ADAMTS9: variants seen among roughly 807,000 people sequenced by gnomAD.
The protein encoded by ADAMTS9 is A disintegrin and metalloproteinase with thrombospondin motifs 9.
ADAMTS9 carries 107 observed loss-of-function variants against 257.1 expected under a neutral mutation model. The observed-to-expected ratio is 0.42, with a 90% CI of 0.36 to 0.49. The LOEUF is 0.49. Among genes scored for constraint, ADAMTS9 ranks in the 20% least tolerant of loss-of-function variants. The pLI, the probability that ADAMTS9 is intolerant of heterozygous loss-of-function variation, is 0.03. For missense variants in ADAMTS9, 2,353 were observed against 2,469.1 expected (o/e 0.95, Z 1.00); for synonymous variants, 982 against 880.9 (o/e 1.11, Z -2.03).
At chr3:64,635,767 T>C (rs567054545) in intron 12 of ADAMTS9, among the ~76,000 whole-genome samples, 8 of 152,282 alleles carry the variant, frequency 5.3e-5, no homozygotes, top group Non-Finnish European at 1.2e-4. Context: ...TTTTTTTTCT[T>C]TTCTTTTTTG....
At chr3:64,641,804 T>C (rs1460624199) in intron 12 of ADAMTS9, 44 bp downstream of exon 12, 8 of 1,605,522 alleles carry the variant, frequency 5.0e-6, no homozygotes, top group Non-Finnish European at 6.0e-6. Flanking sequence ...GAATTTCATG[T>C]TCCTGCCACG....
At chr3:64,623,040 TTTTG>T (rs1441511235) in intron 16 of ADAMTS9, among the ~76,000 whole-genome samples, 9 of 152,218 alleles carry the variant, frequency 5.9e-5, no homozygotes, top group Non-Finnish European at 1.2e-4. Context: ...GTTAAGTCTT[TTTTG>T]TTTGACAGAT....
At chr3:64,581,372 T>C (rs11928470) in intron 28 of ADAMTS9, among the ~76,000 whole-genome samples, 18,510 of 152,148 alleles carry the variant, frequency 0.12, 1,476 homozygotes, top group East Asian at 0.24. Flanking sequence ...TTTAATTTCA[T>C]TTAAAATTTT....
intron 23 of ADAMTS9, 55 bp from the exon 24 acceptor site, chr3:64,604,386 A>C (rs2084522373): frequency 7.9e-7 from 1 of 1,269,932 alleles, no homozygotes; most frequent in Non-Finnish European, 1.1e-6. Flanking sequence ...ATGCACTTTC[A>C]AGGTAATGGT....
intron 38 of ADAMTS9, among the ~76,000 whole-genome samples, chr3:64,523,356 G>A (rs546916382): frequency 6.6e-6 from 1 of 152,138 alleles, no homozygotes; most frequent in Non-Finnish European, 1.5e-5. Context: ...CCAGTCTGAA[G>A]TGACTAAAGA....
At chr3:64,630,902 C>A (rs1700352474) in intron 16 of ADAMTS9, among the ~76,000 whole-genome samples, 1 of 152,094 alleles carries the variant, frequency 6.6e-6, no homozygotes, top group Non-Finnish European at 1.5e-5. Context: ...TAATCATGCA[C>A]CTCAGTTCAG....
intron 11 of ADAMTS9, among the ~76,000 whole-genome samples, chr3:64,647,271 C>T (rs573940889): frequency 2.4e-4 from 37 of 151,888 alleles, no homozygotes; most frequent in East Asian, 1.4e-3. Flanking sequence ...GATGGTATCA[C>T]TAACATGTCA....
chr3:64,684,063 T>A (rs1437947084), intron 2 of ADAMTS9, among the ~76,000 whole-genome samples: 2 of 152,116 alleles, frequency 1.3e-5, no homozygotes, highest in Non-Finnish European at 2.9e-5. Context: ...ACAAAGGCAA[T>A]GAAGACTAGG....
chr3:64,638,566 C>T (rs997301207), intron 12 of ADAMTS9, among the ~76,000 whole-genome samples: 1 of 152,110 alleles, frequency 6.6e-6, no homozygotes, highest in Non-Finnish European at 1.5e-5. Flanking sequence ...GAACTATGAT[C>T]ATCTTATCTG....
In ADAMTS9 at chr3:64,687,774, C is replaced by G. The variant is rs1701960053; in HGVS notation, c.-117G>C. 2.6e-6 allele frequency: 2 copies of G among 758,080 alleles called. No individual in the cohort carries two copies. The highest frequency in any genetic ancestry group is 2.0e-6 in the Non-Finnish European group (1 of 502,060). 47.0% of individuals were successfully genotyped at this position (758,080 alleles called of 1,614,324 possible). ...GCGCGCGGAGCCCGGCGCCCGCCGC[C>G]AACTTTTGACTTTAGGAGTCGCTGA... On this transcript the variant is annotated 5_prime_UTR_variant, in exon 1 of 40. Transcript: ENST00000498707. The surrounding 1 kb of genome is among the most constrained non-coding windows in gnomAD (Gnocchi z 4.4).
At position 64,541,030 on chromosome 3, in the gene ADAMTS9, ACATGC is replaced by A; in HGVS notation, c.5521+60_5521+64del. The A allele has an allele frequency of 7.5e-6, 12 of 1,596,896 alleles. No homozygotes were observed. In the South Asian group the frequency reaches 1.4e-4, roughly 18 times the overall value. The stretch of plus-strand genomic sequence containing the variant: ...ACCTCCCTGCTAGCCAATGTGCAAG[ACATGC>A]TTGCTGTCTGAATGGAGAGAAGAAC... On this transcript the variant is annotated intron_variant, in intron 36 of 39. Coordinates refer to ENST00000498707, the MANE Select transcript of ADAMTS9 (RefSeq NM_182920.2).
Position 64,658,770 on chromosome 3 carries a change from T to C in ADAMTS9, c.701A>G (p.Lys234Arg), listed in dbSNP as rs771693040. 1 of 1,613,604 alleles carries C rather than the reference T, an allele frequency of 6.2e-7. No homozygotes were observed. The highest frequency in any genetic ancestry group is 8.5e-7 in the Non-Finnish European group (1 of 1,179,780). The change falls in exon 4 of 40, where the codon AAA becomes AGA. Residue 234 changes from lysine to arginine, a missense_variant. By Grantham distance (26) the Lys-to-Arg change is conservative. Around this residue, in one of 3 missense-constraint regions of ADAMTS9, gnomAD observed 591 missense variants for 569.6 expected, o/e 1.04. Transcript: ENST00000498707. Reference protein sequence around the residue: ...DTSEHKNRHSKDKKKTRARKW... With the variant: ...DTSEHKNRHSRDKKKTRARKW... Reference sequence around the variant, plus strand: ...TCTTGCTCTGGTTTTCTTCTTGTCTTTACTGTGCCTATTTTTGTGTTCTGT... The same window carrying C: ...TCTTGCTCTGGTTTTCTTCTTGTCTCTACTGTGCCTATTTTTGTGTTCTGT...
intron 28 of ADAMTS9, among the ~76,000 whole-genome samples, chr3:64,593,828 C>G (rs912262722): frequency 4.6e-5 from 7 of 152,118 alleles, no homozygotes; most frequent in African/African-American, 1.4e-4. Flanking sequence ...ATTACAGTCA[C>G]TGAAGAAAAA....
At chr3:64,672,483 G>A (rs906505961) in intron 3 of ADAMTS9, among the ~76,000 whole-genome samples, 1 of 152,158 alleles carries the variant, frequency 6.6e-6, no homozygotes, top group Non-Finnish European at 1.5e-5. Context: ...AGGAGTTTGA[G>A]ACAAGCCTGG....
chr3:64,596,756 A>G, intron 27 of ADAMTS9, 74 bp downstream of exon 27: 1 of 1,566,864 alleles, frequency 6.4e-7, no homozygotes, highest in Non-Finnish European at 8.7e-7. Flanking sequence ...CTCCTTGAAA[A>G]TAAAATCTGA....
intron 28 of ADAMTS9, among the ~76,000 whole-genome samples, chr3:64,575,977 A>C (rs1166005912): frequency 6.6e-6 from 1 of 152,200 alleles, no homozygotes; most frequent in Non-Finnish European, 1.5e-5. Context: ...AGAGGCATTG[A>C]TAGGTAAAGG....
chr3:64,548,064 G>A (rs1446157791), intron 31 of ADAMTS9, among the ~76,000 whole-genome samples: 1 of 152,078 alleles, frequency 6.6e-6, no homozygotes, highest in South Asian at 2.1e-4. Context: ...TGCCACATGT[G>A]GTGTGTTATG....
intron 23 of ADAMTS9, among the ~76,000 whole-genome samples, chr3:64,604,989 T>C (rs1483888934): frequency 6.6e-6 from 1 of 152,216 alleles, no homozygotes; most frequent in Non-Finnish European, 1.5e-5. Flanking sequence ...GGTTAAAAAT[T>C]ATCCTGTGAC....
intron 3 of ADAMTS9, among the ~76,000 whole-genome samples, chr3:64,662,942 T>C (rs1701260064): frequency 6.6e-6 from 1 of 152,114 alleles, no homozygotes. Flanking sequence ...GGAATAAAAT[T>C]GCCTTCAGCC....
Sources: allele counts gnomAD v4.1 joint callset (sites outside exome capture counted in the v4.1 genomes callset), GRCh38; gene constraint gnomAD v4.1.1; regional missense constraint gnomAD v4.1.1; non-coding constraint Gnocchi (gnomAD v3.1); transcripts MANE v1.5; gene names NCBI Gene and HGNC (gene_info 2026-07-23, HGNC 2026-07-21).